Variants in MAGI2 observed in about 807,000 individuals in gnomAD.
MAGI2 encodes the protein membrane-associated guanylate kinase, WW and PDZ domain-containing protein 2.
A neutral mutation model predicts 133.3 loss-of-function variants in MAGI2; 35 were observed. The observed-to-expected ratio is 0.26, with a 90% CI of 0.20 to 0.35. The LOEUF is 0.35. Among genes scored for constraint, MAGI2 ranks in the 10% least tolerant of loss-of-function variants. The pLI, the probability that MAGI2 is intolerant of heterozygous loss-of-function variation, is 1.00. For missense variants in MAGI2, 1,636 were observed against 1,863.4 expected, an observed-to-expected ratio of 0.88 and a Z score of 2.25; for synonymous variants, 729 against 710.6, an observed-to-expected ratio of 1.03 and a Z score of -0.41.
chr7:78,512,013 C>G (rs1232658627), intron 4 of MAGI2, among the ~76,000 whole-genome samples: 3 of 151,680 alleles, frequency 2.0e-5, no homozygotes, highest in African/African-American at 7.3e-5. Flanking sequence ...GTCCCAGCTA[C>G]TAGGGAGGCT....
intron 1 of MAGI2, among the ~76,000 whole-genome samples, chr7:79,114,264 T>G (rs2129544118): frequency 6.6e-6 from 1 of 152,328 alleles, no homozygotes; most frequent in African/African-American, 2.4e-5. Context: ...TTAGAACACT[T>G]TCCTCCTTAC....
At chr7:78,999,317 G>A (rs1262798748) in intron 2 of MAGI2, among the ~76,000 whole-genome samples, 1 of 150,796 alleles carries the variant, frequency 6.6e-6, no homozygotes, top group Non-Finnish European at 1.5e-5. Flanking sequence ...TTTTTTTTCG[G>A]TGCCAAATAT....
chr7:79,177,112 C>T (rs1432694961), intron 1 of MAGI2: 1 of 151,984 alleles, frequency 6.6e-6, no homozygotes, highest in Non-Finnish European at 1.5e-5. Flanking sequence ...CATTCACTTT[C>T]TCAGTTATGG....
At chr7:79,208,893 C>A (rs1829277423) in intron 1 of MAGI2, among the ~76,000 whole-genome samples, 1 of 151,846 alleles carries the variant, frequency 6.6e-6, no homozygotes, top group Non-Finnish European at 1.5e-5. Context: ...CATAGATTAA[C>A]CTGGAGGACA....
At chr7:79,232,457 G>C (rs1177767181) in intron 1 of MAGI2, among the ~76,000 whole-genome samples, 1 of 146,902 alleles carries the variant, frequency 6.8e-6, no homozygotes, top group African/African-American at 2.6e-5. Context: ...ATTGATTATT[G>C]CCACATTTTC....
chr7:78,518,889 A>C (rs1464367556), intron 4 of MAGI2: 1 of 152,148 alleles, frequency 6.6e-6, no homozygotes, highest in Non-Finnish European at 1.5e-5. Flanking sequence ...GTGTGCTACC[A>C]TGCCTGGCTA....
At chr7:78,618,448 G>A (rs540921227) in intron 3 of MAGI2, 3 of 151,894 alleles carry the variant, frequency 2.0e-5, no homozygotes, top group Non-Finnish European at 4.4e-5. Context: ...ACAACACAGA[G>A]GGTTTGAAAA....
chr7:78,750,341 T>C (rs1253492275), intron 2 of MAGI2, among the ~76,000 whole-genome samples: 3 of 152,272 alleles, frequency 2.0e-5, no homozygotes, highest in Middle Eastern at 3.4e-3. Flanking sequence ...GCAATAAACA[T>C]ATGTGTGTAC....
intron 1 of MAGI2, among the ~76,000 whole-genome samples, chr7:79,262,733 A>G (rs1056283964): frequency 6.6e-6 from 1 of 152,180 alleles, no homozygotes; most frequent in Non-Finnish European, 1.5e-5. Flanking sequence ...CTTACACACA[A>G]CAAAGTTTTG....
At chr7:78,224,727 C>CT (rs1563287470) in intron 10 of MAGI2, among the ~76,000 whole-genome samples, 1 of 150,840 alleles carries the variant, frequency 6.6e-6, no homozygotes, top group Non-Finnish European at 1.5e-5. Flanking sequence ...AATAGTTCCC[C>CT]TTTTTGTTTT....
chr7:78,621,791 A>G (rs1807772759), intron 3 of MAGI2, among the ~76,000 whole-genome samples: 1 of 152,048 alleles, frequency 6.6e-6, no homozygotes, highest in African/African-American at 2.4e-5. Flanking sequence ...ACAAATCAGG[A>G]CAATCTATCT....
intron 3 of MAGI2, among the ~76,000 whole-genome samples, chr7:78,587,382 T>C (rs1412960008): frequency 1.3e-5 from 2 of 152,218 alleles, no homozygotes; most frequent in Non-Finnish European, 2.9e-5. Flanking sequence ...ACAGAGCACT[T>C]ACAGCTATTT....
chr7:78,565,664 A>G (rs916434418), intron 3 of MAGI2, among the ~76,000 whole-genome samples: 1 of 152,044 alleles, frequency 6.6e-6, no homozygotes. Flanking sequence ...CAGCCTTACT[A>G]TTGGCCTTAC....
chr7:78,273,726 C>T (rs931320502), intron 9 of MAGI2, among the ~76,000 whole-genome samples: 7 of 151,878 alleles, frequency 4.6e-5, no homozygotes, highest in Admixed American at 6.6e-5. Context: ...TTGATCGATT[C>T]GGCTATTGAT....
intron 1 of MAGI2, among the ~76,000 whole-genome samples, chr7:79,181,738 A>C (rs2129550373): frequency 6.6e-6 from 1 of 152,136 alleles, no homozygotes; most frequent in African/African-American, 2.4e-5. Flanking sequence ...CAAATTTTCC[A>C]AACTTTATGT....
rs1257116783 is a variant in MAGI2, at chr7:78,695,960, G to A, written c.419-68721C>T. On this transcript the variant is annotated intron_variant, in intron 2 of 21. Coordinates refer to ENST00000354212, the MANE Select transcript of MAGI2 (RefSeq NM_012301.4). ...TTTTTTTCTTTTTAAAAGCATGACA[G>A]TGTTTTGCTCTGCTGCCCAGGTTGA... Among the ~76,000 whole-genome samples, 4 of 152,148 alleles carry A rather than the reference G, an allele frequency of 2.6e-5. No homozygotes were observed. The East Asian group carries it at 7.7e-4, about 29-fold the overall frequency.
intron 2 of MAGI2, among the ~76,000 whole-genome samples, chr7:78,941,843 C>T (rs1009357422): frequency 2.0e-5 from 3 of 151,650 alleles, no homozygotes; most frequent in Non-Finnish European, 4.4e-5. Context: ...TTTCCCCCTA[C>T]CCCTCCTTTT....
chr7:78,304,727 G>A (rs1005392037), intron 9 of MAGI2, among the ~76,000 whole-genome samples: 1 of 152,176 alleles, frequency 6.6e-6, no homozygotes, highest in African/African-American at 2.4e-5. Flanking sequence ...AAGCCAGGAA[G>A]GGGGATAAGA....
chr7:78,150,298 A>G (rs2150579220), intron 16 of MAGI2, among the ~76,000 whole-genome samples: 1 of 152,298 alleles, frequency 6.6e-6, no homozygotes, highest in Non-Finnish European at 1.5e-5. Flanking sequence ...TTCACTTAAC[A>G]ATTTGCTCTT....
Sources: gnomAD v4.1 joint callset for allele counts (sites outside exome capture counted in the v4.1 genomes callset) on GRCh38, gnomAD v4.1.1 for gene constraint, MANE v1.5 for transcripts, NCBI Gene and HGNC (gene_info 2026-07-23, HGNC 2026-07-21) for gene names.